MGAT3: variants seen among roughly 807,000 people sequenced by gnomAD.
MGAT3 encodes beta-1,4-mannosyl-glycoprotein 4-beta-N-acetylglucosaminyltransferase, also known as GlcNAc-T III.
Under a neutral mutation model 29.8 loss-of-function variants are expected in MGAT3, and 9 were observed. That is an observed-to-expected ratio of 0.30 (90% CI 0.18 to 0.53). MGAT3 has a LOEUF of 0.53. Among genes scored for constraint, MGAT3 ranks in the 20% least tolerant of loss-of-function variants. The probability of loss-of-function intolerance (pLI) is 0.96; values close to 1 mark genes in which losing one functional copy is unlikely to be tolerated. For missense variants in MGAT3, 557 were observed against 769.5 expected, an observed-to-expected ratio of 0.72 and a Z score of 3.27; for synonymous variants, 397 against 348.9, an observed-to-expected ratio of 1.14 and a Z score of -1.54.
intron 1 of MGAT3, among the ~76,000 whole-genome samples, chr22:39,462,489 A>G (rs970509570): frequency 6.6e-6 from 1 of 152,196 alleles, no homozygotes; most frequent in Non-Finnish European, 1.5e-5. Context: ...CTCCTTCTCC[A>G]TCCCTGATGG....
chr22:39,473,350 A>G (rs191048480), intron 1 of MGAT3, among the ~76,000 whole-genome samples: 1 of 152,320 alleles, frequency 6.6e-6, no homozygotes, highest in East Asian at 1.9e-4. Context: ...AAGTATCCAC[A>G]CATGGAGACG....
chr22:39,467,153 C>T (rs1928672122), intron 1 of MGAT3, among the ~76,000 whole-genome samples: 1 of 152,236 alleles, frequency 6.6e-6, no homozygotes, highest in Non-Finnish European at 1.5e-5. Context: ...GTCCTCTAGG[C>T]ACCTTGTGCA....
chr22:39,461,102 G>T (rs558994961), intron 1 of MGAT3, among the ~76,000 whole-genome samples: 1 of 152,140 alleles, frequency 6.6e-6, no homozygotes, highest in African/African-American at 2.4e-5. Context: ...TGAGTTGGCC[G>T]ATCGCTGTGC....
At chr22:39,467,813 A>G (rs1031752433) in intron 1 of MGAT3, among the ~76,000 whole-genome samples, 1 of 150,014 alleles carries the variant, frequency 6.7e-6, no homozygotes, top group African/African-American at 2.5e-5. Context: ...CAGTCTCAAA[A>G]AAAAAAAAAA....
chr22:39,463,327 C>T (rs1461230730), intron 1 of MGAT3, among the ~76,000 whole-genome samples: 1 of 152,174 alleles, frequency 6.6e-6, no homozygotes, highest in Non-Finnish European at 1.5e-5. Context: ...GGGATTGTGT[C>T]CAGCCTATAG....
chr22:39,467,511 A>C (rs1305193868), intron 1 of MGAT3, among the ~76,000 whole-genome samples: 1 of 152,126 alleles, frequency 6.6e-6, no homozygotes, highest in Non-Finnish European at 1.5e-5. Context: ...GAGGCTAAGA[A>C]GGTAGGAGTG....
intron 1 of MGAT3, among the ~76,000 whole-genome samples, chr22:39,474,020 C>T (rs1172740694): frequency 6.6e-6 from 1 of 152,066 alleles, no homozygotes; most frequent in Non-Finnish European, 1.5e-5. Context: ...CCTTGAGCCT[C>T]CTTTAAGCTG....
At chr22:39,471,375 G>C (rs1269322750) in intron 1 of MGAT3, among the ~76,000 whole-genome samples, 1 of 152,134 alleles carries the variant, frequency 6.6e-6, no homozygotes, top group African/African-American at 2.4e-5. Context: ...CTTTGCGGAG[G>C]GGCTGGCAAC....
chr22:39,473,940 G>C (rs1928882107), intron 1 of MGAT3, among the ~76,000 whole-genome samples: 1 of 152,042 alleles, frequency 6.6e-6, no homozygotes, highest in African/African-American at 2.4e-5. Context: ...TGCAGTGTGG[G>C]TCAGGATCCA....
intron 1 of MGAT3, among the ~76,000 whole-genome samples, chr22:39,459,588 T>C (rs1191877995): frequency 6.6e-6 from 1 of 152,114 alleles, no homozygotes; most frequent in Non-Finnish European, 1.5e-5. Context: ...CCCAACCTCC[T>C]GGGTAGCTAG....
At position 39,457,712 on chromosome 22, in the gene MGAT3, G is replaced by A. The variant is rs1285139872; in HGVS notation, c.-2+155G>A. Among the ~76,000 whole-genome samples, 1 of 150,220 alleles carries A rather than the reference G, an allele frequency of 6.7e-6. No individual in the cohort carries two copies. The highest frequency in any genetic ancestry group is 2.4e-5 in the African/African-American group (1 of 41,166). On this transcript the variant is annotated intron_variant, in intron 1 of 1. Coordinates refer to ENST00000341184, the MANE Select transcript of MGAT3 (RefSeq NM_002409.5). This position sits in a 1 kb window ranked among gnomAD's most constrained non-coding sequence, Gnocchi z 6.8. ...GGGCGCGGGCGCACTGGGGCTGGGG[G>A]CCCGGAGGCCGCGGTGGGGGCGGGA...
Position 39,488,981 on chromosome 22 carries a change from G to T in MGAT3, c.*32G>T. 1 of 1,569,450 alleles carries T rather than the reference G, an allele frequency of 6.4e-7. No individual in the cohort carries two copies. The highest frequency in any genetic ancestry group is 8.6e-7 in the Non-Finnish European group (1 of 1,159,650). ...ATGATCTGATAGGGTTTGTGACAGG[G>T]CGGGGGTGGCGGCGGCCCCTAGCGC... is the stretch of plus-strand genomic sequence containing the variant. On this transcript the variant is annotated 3_prime_UTR_variant, in exon 2 of 2. Coordinates refer to ENST00000341184, the MANE Select transcript of MGAT3 (RefSeq NM_002409.5).
chr22:39,484,995 C>T (rs2009999), intron 1 of MGAT3, among the ~76,000 whole-genome samples: 68,278 of 151,582 alleles, frequency 0.45, 16,714 homozygotes, highest in African/African-American at 0.66. Context: ...AGAGTGAGAC[C>T]CTGTCTCAAA....
In MGAT3 at chr22:39,489,178, T is replaced by C. The variant is rs1480667932; in HGVS notation, c.*229T>C. 3.0e-6 allele frequency: 2 copies of C among 656,408 alleles called. No individual in the cohort carries two copies. The highest frequency in any genetic ancestry group is 1.8e-5 in the African/African-American group (1 of 54,602). 40.7% of individuals were successfully genotyped at this position (656,408 alleles called of 1,614,324 possible). On this transcript the variant is annotated 3_prime_UTR_variant, in exon 2 of 2. Coordinates refer to ENST00000341184, the MANE Select transcript of MGAT3 (RefSeq NM_002409.5). Reference sequence around the variant, plus strand: ...GAGGGCGCAGGCCGTGACGTCTGGGTGGCCCTTATGACTGCCAAGACTGCT... The same window carrying C: ...GAGGGCGCAGGCCGTGACGTCTGGGCGGCCCTTATGACTGCCAAGACTGCT...
At chr22:39,475,710 C>T (rs796682919) in intron 1 of MGAT3, 133 of 152,634 alleles carry the variant, frequency 8.7e-4, no homozygotes, top group African/African-American at 3.2e-3. Context: ...ATCTCTCCAG[C>T]GGTGCTGGCA....
intron 1 of MGAT3, among the ~76,000 whole-genome samples, chr22:39,464,359 G>T (rs1334538540): frequency 6.6e-6 from 1 of 152,196 alleles, no homozygotes; most frequent in Non-Finnish European, 1.5e-5. Context: ...CTGGGGATGG[G>T]TTGGGCCCCC....
chr22:39,470,616 G>A (rs1928780964), intron 1 of MGAT3, among the ~76,000 whole-genome samples: 1 of 152,278 alleles, frequency 6.6e-6, no homozygotes, highest in South Asian at 2.1e-4. Flanking sequence ...TGAGGACCTC[G>A]GGGTGGCAGA....
At chr22:39,465,964 T>C (rs887724576) in intron 1 of MGAT3, among the ~76,000 whole-genome samples, 2 of 148,546 alleles carry the variant, frequency 1.3e-5, no homozygotes, top group Non-Finnish European at 1.5e-5. Flanking sequence ...GAAAAAAGCC[T>C]GATAGAGCAA....
At chr22:39,481,534 C>A (rs531338317) in intron 1 of MGAT3, among the ~76,000 whole-genome samples, 1 of 152,326 alleles carries the variant, frequency 6.6e-6, no homozygotes, top group African/African-American at 2.4e-5. Flanking sequence ...GGGGCTCTGG[C>A]AAAATCGTTG....
Sources: gnomAD v4.1 joint callset for allele counts (sites outside exome capture counted in the v4.1 genomes callset) on GRCh38, gnomAD v4.1.1 for gene constraint, Gnocchi (gnomAD v3.1) non-coding constraint, MANE v1.5 for transcripts, NCBI Gene and HGNC (gene_info 2026-07-23, HGNC 2026-07-21) for gene names.